The following CSNK2A2IP variants were observed in gnomAD, a reference collection of about 807,000 sequenced individuals.
CSNK2A2IP encodes the protein casein kinase II subunit alpha'-interacting protein.
At chr3:88,416,142 G>A in the CSNK2A2IP span, among the ~76,000 whole-genome samples, 5 of 151,640 alleles carry the variant, frequency 3.3e-5, no homozygotes, top group Admixed American at 6.6e-5. Flanking sequence ...GTGGTGGCAC[G>A]CGCCTGTAGT....
chr3:88,418,140 G>C, the CSNK2A2IP span, among the ~76,000 whole-genome samples: 1 of 152,004 alleles, frequency 6.6e-6, no homozygotes. Flanking sequence ...AATAATAAAA[G>C]GTATCTTTAG....
At chr3:88,466,670 C>G in the CSNK2A2IP span, 1 of 1,212,364 alleles carries the variant, frequency 8.2e-7, no homozygotes, top group Non-Finnish European at 1.0e-6. Context: ...ATTGTCAATT[C>G]TATCTCAAAT....
the CSNK2A2IP span, among the ~76,000 whole-genome samples, chr3:88,340,168 C>G: frequency 6.6e-6 from 1 of 151,824 alleles, no homozygotes; most frequent in African/African-American, 2.4e-5. Context: ...AATTTTCTTT[C>G]CTTTTTTCAA....
At chr3:88,338,872 G>T in the CSNK2A2IP span, among the ~76,000 whole-genome samples, 7 of 152,094 alleles carry the variant, frequency 4.6e-5, no homozygotes, top group African/African-American at 1.4e-4. Flanking sequence ...ACTAAAAGCA[G>T]ATTTATTCCC....
At chr3:88,349,748 C>G in the CSNK2A2IP span, among the ~76,000 whole-genome samples, 1 of 152,074 alleles carries the variant, frequency 6.6e-6, no homozygotes, top group Non-Finnish European at 1.5e-5. Flanking sequence ...TATGTTTCGA[C>G]CAGAAGTGTC....
chr3:88,464,170 G>C, the CSNK2A2IP span, among the ~76,000 whole-genome samples: 1 of 148,420 alleles, frequency 6.7e-6, no homozygotes, highest in Non-Finnish European at 1.5e-5. Flanking sequence ...TTGTGGTGTG[G>C]GGGGAGGGGG....
At chr3:88,460,909 G>A in the CSNK2A2IP span, among the ~76,000 whole-genome samples, 46 of 152,094 alleles carry the variant, frequency 3.0e-4, no homozygotes, top group African/African-American at 1.0e-3. Context: ...CCAACAGGGC[G>A]AAATCCCATC....
the CSNK2A2IP span, among the ~76,000 whole-genome samples, chr3:88,342,557 G>A: frequency 6.6e-6 from 1 of 151,922 alleles, no homozygotes; most frequent in South Asian, 2.1e-4. Flanking sequence ...CCCGGTTGAT[G>A]GATCATTTAT....
the CSNK2A2IP span, among the ~76,000 whole-genome samples, chr3:88,448,101 AGGGC>A: frequency 6.6e-6 from 1 of 152,164 alleles, no homozygotes; most frequent in African/African-American, 2.4e-5. Context: ...AACCTGGTGG[AGGGC>A]ATTTATTGGA....
At chr3:88,417,567 T>G in the CSNK2A2IP span, among the ~76,000 whole-genome samples, 3 of 152,196 alleles carry the variant, frequency 2.0e-5, no homozygotes, top group Non-Finnish European at 4.4e-5. Flanking sequence ...TTTATTATTT[T>G]CAAAGATGGT....
the CSNK2A2IP span, chr3:88,465,100 C>T: frequency 3.2e-6 from 1 of 311,850 alleles, no homozygotes. Context: ...ATTATTTACT[C>T]AGGAGAAAAA....
the CSNK2A2IP span, among the ~76,000 whole-genome samples, chr3:88,464,151 CG>C: frequency 9.3e-6 from 1 of 107,072 alleles, no homozygotes; most frequent in Admixed American, 1.2e-4. Flanking sequence ...CATCACACAC[CG>C]GGGACTGTTG....
the CSNK2A2IP span, among the ~76,000 whole-genome samples, chr3:88,411,343 T>TATC: frequency 2.0e-5 from 3 of 149,758 alleles, no homozygotes; most frequent in African/African-American, 7.5e-5. Context: ...TCACTCACTC[T>TATC]ATCTATCATC....
the CSNK2A2IP span, among the ~76,000 whole-genome samples, chr3:88,419,849 G>C: frequency 1.9e-3 from 288 of 152,144 alleles, 2 homozygotes; most frequent in South Asian, 3.9e-3. Flanking sequence ...AAAACCGTTT[G>C]CTTTAAGTGT....
At chr3:88,409,971 T>C in the CSNK2A2IP span, among the ~76,000 whole-genome samples, 1 of 152,074 alleles carries the variant, frequency 6.6e-6, no homozygotes, top group South Asian at 2.1e-4. Context: ...AAGGCCATTG[T>C]CTGTGCCTGA....
At chr3:88,407,529 A>G in the CSNK2A2IP span, among the ~76,000 whole-genome samples, 1 of 152,058 alleles carries the variant, frequency 6.6e-6, no homozygotes, top group African/African-American at 2.4e-5. Context: ...AATCATAGTC[A>G]CTGCATCTAA....
the CSNK2A2IP span, among the ~76,000 whole-genome samples, chr3:88,339,823 G>T: frequency 6.6e-6 from 1 of 151,980 alleles, no homozygotes; most frequent in East Asian, 1.9e-4. Context: ...GCAATTATGG[G>T]GGTGAGAACC....
chr3:88,391,548 C>A, the CSNK2A2IP span, among the ~76,000 whole-genome samples: 1 of 152,146 alleles, frequency 6.6e-6, no homozygotes, highest in East Asian at 1.9e-4. Flanking sequence ...TATTTTGTTT[C>A]ATCCTTTGTT....
At chr3:88,449,748 A>G in the CSNK2A2IP span, among the ~76,000 whole-genome samples, 1 of 107,356 alleles carries the variant, frequency 9.3e-6, no homozygotes, top group African/African-American at 3.0e-5. Context: ...TTTTCCAAAT[A>G]TACCTTTTTT....
Sources: allele counts gnomAD v4.1 joint callset (sites outside exome capture counted in the v4.1 genomes callset), GRCh38; gene constraint gnomAD v4.1.1; transcripts MANE v1.5; gene names NCBI Gene and HGNC (gene_info 2026-07-23, HGNC 2026-07-21).